Variants in NUDCD1 observed in about 807,000 individuals in gnomAD.
The protein encoded by NUDCD1 is nudC domain-containing protein 1.
A neutral mutation model predicts 67.8 loss-of-function variants in NUDCD1; 60 were observed. That is an observed-to-expected ratio of 0.88 (90% CI 0.72 to 1.10). NUDCD1 has a LOEUF of 1.10. Among genes scored for constraint, NUDCD1 ranks in the 50% least tolerant of loss-of-function variants. The probability of loss-of-function intolerance (pLI) is 0.00; values close to 1 mark genes in which losing one functional copy is unlikely to be tolerated. For synonymous variants in NUDCD1, 244 were observed against 230.8 expected (o/e 1.06, Z -0.52); for missense variants, 643 against 695.0 (o/e 0.93, Z 0.84).
chr8:109,265,816 A>C (rs887936984), intron 8 of NUDCD1, among the ~76,000 whole-genome samples: 2 of 152,072 alleles, frequency 1.3e-5, no homozygotes, highest in African/African-American at 2.4e-5. Flanking sequence ...TTGAGACTCT[A>C]AGACTGCTGC....
In NUDCD1 at chr8:109,278,524, C is replaced by T. The variant is rs115729611; in HGVS notation, c.1028+2444G>A. Among the ~76,000 whole-genome samples the T allele has an allele frequency of 5.4e-3, 826 of 152,204 alleles. 8 individuals carry two copies. The highest frequency in any genetic ancestry group is 0.019 in the African/African-American group (800 of 41,522). ...CCCAATGAGGATACTGAATTATTTC[C>T]ACCATACAGGCAGTTCCCTTGGCCT... is the stretch of plus-strand genomic sequence containing the variant. On this transcript the variant is annotated intron_variant, in intron 6 of 9. Transcript: ENST00000239690.
intron 8 of NUDCD1, among the ~76,000 whole-genome samples, chr8:109,269,584 A>C (rs920001560): frequency 6.6e-6 from 1 of 152,192 alleles, no homozygotes; most frequent in African/African-American, 2.4e-5. Context: ...GCTAGAATAC[A>C]CTTTCCCCCA....
intron 2 of NUDCD1, among the ~76,000 whole-genome samples, chr8:109,312,250 G>A (rs959085319): frequency 3.7e-4 from 47 of 128,636 alleles, no homozygotes; most frequent in African/African-American, 1.4e-3. Context: ...GCAGTGAGCT[G>A]AAATCGCACC....
chr8:109,296,470 T>C lies in NUDCD1; in HGVS notation c.373A>G (p.Thr125Ala). ...GTTCCATCTGACAAGGTAACCCAGG[T>C]AGAAGATGAGAAATGGATAGATGCA... ...LCASIHFSSSTWVTLSDGTGR... is the reference protein window; with the variant it reads ...LCASIHFSSSAWVTLSDGTGR... Residue 125 changes from threonine to alanine, a missense_variant, in exon 3 of 10, where the codon ACC (threonine) becomes GCC (alanine). By Grantham distance (58) the Thr-to-Ala change is moderately conservative. Coordinates refer to ENST00000239690, the MANE Select transcript of NUDCD1 (RefSeq NM_032869.4). The C allele has an allele frequency of 6.2e-7, 1 of 1,613,604 alleles. No individual in the cohort carries two copies. Among genetic ancestry groups the C allele is most frequent in the Non-Finnish European group, 8.5e-7 (1 of 1,179,618 alleles).
At chr8:109,298,614 T>C (rs1433700408) in intron 2 of NUDCD1, 1 of 152,124 alleles carries the variant, frequency 6.6e-6, no homozygotes, top group East Asian at 1.9e-4. Context: ...ATAAAAGGCA[T>C]GTAAGAGAAA....
chr8:109,314,917 G>T (rs928558587), intron 2 of NUDCD1, among the ~76,000 whole-genome samples: 1 of 151,970 alleles, frequency 6.6e-6, no homozygotes, highest in Non-Finnish European at 1.5e-5. Flanking sequence ...AATAAATATA[G>T]ATTTATAGAA....
chr8:109,293,635 T>C (rs559875160), intron 3 of NUDCD1, 111 bp from the exon 4 acceptor site: 6 of 489,710 alleles, frequency 1.2e-5, no homozygotes, highest in Admixed American at 4.2e-5. Context: ...TGGATACTAT[T>C]TATTACAAGA....
intron 2 of NUDCD1, among the ~76,000 whole-genome samples, chr8:109,304,708 A>G (rs898514770): frequency 8.5e-5 from 13 of 152,204 alleles, no homozygotes; most frequent in Non-Finnish European, 1.5e-4. Context: ...CTTTACTTCC[A>G]AAGGAAGCTG....
chr8:109,330,318 T>G (rs1415468064), intron 1 of NUDCD1, among the ~76,000 whole-genome samples: 2 of 152,204 alleles, frequency 1.3e-5, no homozygotes, highest in South Asian at 2.1e-4. Flanking sequence ...TGCATCAAGT[T>G]CTTGACACCA....
chr8:109,288,544 C>T (rs2980615), intron 5 of NUDCD1, among the ~76,000 whole-genome samples: 54,456 of 151,594 alleles, frequency 0.36, 10,538 homozygotes, highest in South Asian at 0.5. Context: ...AAAGAAAAGG[C>T]CTACTAAGCA....
At chr8:109,319,336 G>A (rs1175244735) in intron 2 of NUDCD1, among the ~76,000 whole-genome samples, 4 of 152,116 alleles carry the variant, frequency 2.6e-5, no homozygotes, top group African/African-American at 9.7e-5. Context: ...CTTATAAACT[G>A]TCTATGGCTG....
chr8:109,248,151 T>C (rs1479748654), intron 8 of NUDCD1, among the ~76,000 whole-genome samples: 1 of 152,182 alleles, frequency 6.6e-6, no homozygotes, highest in Admixed American at 6.5e-5. Context: ...AGACACAGGA[T>C]GGGCCCGGCC....
chr8:109,328,763 A>G (rs190027572), intron 1 of NUDCD1, among the ~76,000 whole-genome samples: 71 of 152,330 alleles, frequency 4.7e-4, no homozygotes, highest in African/African-American at 1.6e-3. Flanking sequence ...AAGTAACTCA[A>G]CTATATCCCG....
At position 109,276,296 on chromosome 8, in the gene NUDCD1, A is replaced by G. The variant is rs568762607; in HGVS notation, c.1029-800T>C. Reference sequence around the variant, plus strand: ...TGTCCCATGTTCCTCTGGAATAGGAAGGAAAACCCAAGTAAGATGCTTTGG... The same window carrying G: ...TGTCCCATGTTCCTCTGGAATAGGAGGGAAAACCCAAGTAAGATGCTTTGG... On this transcript the variant is annotated intron_variant, in intron 6 of 9. Coordinates refer to ENST00000239690, the MANE Select transcript of NUDCD1 (RefSeq NM_032869.4). Among the ~76,000 whole-genome samples, 5 of 152,312 alleles carry G rather than the reference A, an allele frequency of 3.3e-5. No individual in the cohort carries two copies. In the East Asian group the frequency reaches 9.7e-4, roughly 29 times the overall value.
At chr8:109,249,276 A>C (rs1031160332) in intron 8 of NUDCD1, among the ~76,000 whole-genome samples, 2 of 152,202 alleles carry the variant, frequency 1.3e-5, no homozygotes, top group African/African-American at 4.8e-5. Context: ...CCCTTCCAGC[A>C]TTCTTAAAAC....
Position 109,281,176 on chromosome 8 carries a change from T to C in NUDCD1, c.824-4A>G, listed in dbSNP as rs373512220. 26 of 1,596,276 alleles carry C rather than the reference T, an allele frequency of 1.6e-5. No individual in the cohort carries two copies. The highest frequency in any genetic ancestry group is 1.7e-4 in the Middle Eastern group (1 of 6,022). On this transcript the variant is annotated splice_region_variant and splice_polypyrimidine_tract_variant and intron_variant, in intron 5 of 9. Coordinates refer to ENST00000239690, the MANE Select transcript of NUDCD1 (RefSeq NM_032869.4). Reference sequence around the variant, plus strand: ...TGTTGCCAGTAATACAGAGGTTCTATTGGGAAAAGAAAAATGCATCATGTA... The same window carrying C: ...TGTTGCCAGTAATACAGAGGTTCTACTGGGAAAAGAAAAATGCATCATGTA...
At chr8:109,257,238 A>T (rs1813760681) in intron 8 of NUDCD1, among the ~76,000 whole-genome samples, 1 of 152,154 alleles carries the variant, frequency 6.6e-6, no homozygotes, top group African/African-American at 2.4e-5. Context: ...TACCCTGTAC[A>T]CTGAAATCTT....
At chr8:109,299,324 C>T (rs1443297978) in intron 2 of NUDCD1, among the ~76,000 whole-genome samples, 2 of 152,162 alleles carry the variant, frequency 1.3e-5, no homozygotes, top group Non-Finnish European at 2.9e-5. Flanking sequence ...GCCATATTTG[C>T]TTTTGCAGCT....
At chr8:109,270,093 T>TGGGGGGG (rs1563665969) in intron 8 of NUDCD1, among the ~76,000 whole-genome samples, 1 of 6,548 alleles carries the variant, frequency 1.5e-4, no homozygotes, top group Non-Finnish European at 3.2e-4. Flanking sequence ...TGCCTTAAGG[T>TGGGGGGG]GGGGTGTGAA....
Sources: allele counts gnomAD v4.1 joint callset (sites outside exome capture counted in the v4.1 genomes callset), GRCh38; gene constraint gnomAD v4.1.1; transcripts MANE v1.5; gene names NCBI Gene and HGNC (gene_info 2026-07-23, HGNC 2026-07-21).